The following SRP14 variants were observed in gnomAD, a reference collection of about 807,000 sequenced individuals.
The protein encoded by SRP14 is signal recognition particle 14.
A neutral mutation model predicts 16.0 loss-of-function variants in SRP14; 1 was observed. The observed-to-expected ratio is 0.06, with a 90% CI of 0.02 to 0.30. The LOEUF (loss-of-function observed/expected upper bound fraction) is 0.30, where lower values mean the gene tolerates loss of function less well. SRP14 is among the 10% of genes least tolerant of loss of function. The pLI, the probability that SRP14 is intolerant of heterozygous loss-of-function variation, is 1.00. For missense variants in SRP14, 120 were observed against 163.1 expected (o/e 0.74, Z 1.44); for synonymous variants, 67 against 60.1 (o/e 1.12, Z -0.53).
chr15:40,038,269 A>G lies in SRP14; in HGVS notation c.210+13T>C, dbSNP rs2035661272. 1.9e-6 allele frequency: 3 copies of G among 1,588,348 alleles called. No homozygotes were observed. The highest frequency in any genetic ancestry group is 2.6e-6 in the Non-Finnish European group (3 of 1,156,912). On this transcript the variant is annotated intron_variant, in intron 3 of 4. Coordinates refer to ENST00000267884, the MANE Select transcript of SRP14 (RefSeq NM_003134.6). ...TTTACATTTCAAAAGACAGCCTTAG[A>G]AATTAAGCTCACCACAGTGCTGATC...
chr15:40,036,515 A>AGAGC lies in SRP14; in HGVS notation c.244-19_244-16dup, dbSNP rs2035625915. 6.2e-7 allele frequency: 1 copy of AGAGC among 1,608,924 alleles called. No homozygotes were observed. Among genetic ancestry groups the AGAGC allele is most frequent in the East Asian group, 2.2e-5 (1 of 44,750 alleles). The stretch of plus-strand genomic sequence containing the variant: ...TTTGAATAAGCCTGAAAGATACAAC[A>AGAGC]GAGCATACCTTAGTGGGAAGATGTG... On this transcript the variant is annotated splice_polypyrimidine_tract_variant and intron_variant, in intron 4 of 4. Transcript: ENST00000267884.
At chr15:40,037,197 T>C (rs2035638305) in intron 3 of SRP14, 179 bp from the exon 4 acceptor site, 1 of 1,231,466 alleles carries the variant, frequency 8.1e-7, no homozygotes, top group Non-Finnish European at 1.1e-6. Flanking sequence ...TTCCTCTGCC[T>C]AGAGAACAAG....
intron 4 of SRP14, 117 bp from the exon 5 acceptor site, chr15:40,036,617 T>C (rs574549742): frequency 3.4e-4 from 332 of 987,736 alleles, no homozygotes; most frequent in Non-Finnish European, 4.3e-4. Flanking sequence ...ATAGCACCAT[T>C]GGACACTTGT....
rs1293978814 is a variant in SRP14, at chr15:40,036,265, G to C, written c.*68C>G. Reference sequence around the variant, plus strand: ...CTACTGTGGGGGAACCAGAAACCTAGCTATCTGGCCAAAAGGAAAAAATAG... The same window carrying C: ...CTACTGTGGGGGAACCAGAAACCTACCTATCTGGCCAAAAGGAAAAAATAG... On this transcript the variant is annotated 3_prime_UTR_variant, in exon 5 of 5. Coordinates refer to ENST00000267884, the MANE Select transcript of SRP14 (RefSeq NM_003134.6). The C allele has an allele frequency of 1.9e-6, 3 of 1,595,084 alleles. No individual in the cohort carries two copies. The highest frequency in any genetic ancestry group is 2.6e-6 in the Non-Finnish European group (3 of 1,167,150).
At chr15:40,038,507 C>A in intron 2 of SRP14, 113 bp from the exon 3 acceptor site, 1 of 728,740 alleles carries the variant, frequency 1.4e-6, no homozygotes, top group East Asian at 2.5e-5. Context: ...CCCCGCTGCT[C>A]TAGTTTTGTT....
chr15:40,036,215 G>C lies in SRP14; in HGVS notation c.*118C>G, dbSNP rs1018663790. 3.3e-6 allele frequency: 5 copies of C among 1,502,246 alleles called. No homozygotes were observed. Among genetic ancestry groups the C allele is most frequent in the Non-Finnish European group, 4.5e-6 (5 of 1,112,308 alleles). 93.1% of individuals were successfully genotyped at this position (1,502,246 alleles called of 1,614,324 possible). ...AACACTGCAACTATTCTTTCCAAAA[G>C]GACCCTAATCTTATGTGAAAACACC... On this transcript the variant is annotated 3_prime_UTR_variant, in exon 5 of 5. Transcript: ENST00000267884.
In SRP14 at chr15:40,037,278, G is replaced by GTAAAA; in HGVS notation, c.211-261_211-260insTTTTA. 6 of 193,380 alleles carry GTAAAA rather than the reference G, an allele frequency of 3.1e-5. No homozygotes were observed. In the African/African-American group the frequency reaches 6.1e-4, roughly 20 times the overall value. The allele number at this position is 193,380 out of a possible 1,614,324, so 12.0% of individuals were successfully genotyped here. ...GTGAAAGGCAGTAGGCTCCTTTTGG[G>GTAAAA]GAAAAAAAAAAAAAAAGCTTTGTTT... On this transcript the variant is annotated intron_variant, in intron 3 of 4. Coordinates refer to ENST00000267884, the MANE Select transcript of SRP14 (RefSeq NM_003134.6).
intron 3 of SRP14, 42 bp from the exon 4 acceptor site, chr15:40,037,060 T>C (rs1441275091): frequency 6.2e-7 from 1 of 1,603,726 alleles, no homozygotes; most frequent in Non-Finnish European, 8.5e-7. Context: ...ATTATCCATA[T>C]AAGCATCCTC....
At chr15:40,038,773 G>T in intron 2 of SRP14, 103 bp downstream of exon 2, 2 of 1,260,230 alleles carry the variant, frequency 1.6e-6, no homozygotes, top group Non-Finnish European at 1.1e-6. Flanking sequence ...GTACAGGGTG[G>T]GGAAAGGTAG....
chr15:40,037,336 T>C (rs1047652375), intron 3 of SRP14: 3 of 1,306,364 alleles, frequency 2.3e-6, no homozygotes, highest in East Asian at 4.6e-5. Flanking sequence ...AAAGGTGGCA[T>C]TGGGTTTTCT....
At position 40,038,374 on chromosome 15, in the gene SRP14, T is replaced by C. The variant is rs1477108236; in HGVS notation, c.118A>G (p.Ile40Val). ...CCCTCCACAGTACCCTTCTTTGGAA[T>C]GGGTTTGGTTCGACCGTCATCTGAA... ...LKKYDGRTKP[I>V]PKKGTVEGFE... The change falls in exon 3 of 5, where the codon ATT becomes GTT. Residue 40 changes from isoleucine (I) to valine (V), a missense_variant. Physicochemically the swap from Ile to Val is conservative, Grantham distance 29. This residue lies in a region of SRP14 where 44 missense variants were observed against 93.1 expected (regional missense o/e 0.47). Coordinates refer to ENST00000267884, the MANE Select transcript of SRP14 (RefSeq NM_003134.6). 12 of 1,613,896 alleles carry C rather than the reference T, an allele frequency of 7.4e-6. No homozygotes were observed. Among genetic ancestry groups the C allele is most frequent in the Non-Finnish European group, 7.6e-6 (9 of 1,179,910 alleles).
intron 3 of SRP14, 69 bp downstream of exon 3, chr15:40,038,213 G>C: frequency 7.8e-7 from 1 of 1,287,180 alleles, no homozygotes; most frequent in Non-Finnish European, 1.1e-6. Flanking sequence ...GCCTGGTTCA[G>C]AAACGCCCCA....
rs1555424355 is a variant in SRP14 at position 40,037,279 on chromosome 15, G to GGAAAA, written c.211-262_211-261insTTTTC. On this transcript the variant is annotated intron_variant, in intron 3 of 4. Transcript: ENST00000267884. ...TGAAAGGCAGTAGGCTCCTTTTGGGGAAAAAAAAAAAAAAAGCTTTGTTTC... is the reference window on the plus strand; with the variant it reads ...TGAAAGGCAGTAGGCTCCTTTTGGGGGAAAAAAAAAAAAAAAAAAAGCTTTGTTTC... 3.6e-5 allele frequency: 27 copies of GGAAAA among 749,914 alleles called. 1 individual carries two copies. The highest frequency in any genetic ancestry group is 4.3e-4 in the Middle Eastern group (1 of 2,306). The allele number at this position is 749,914 out of a possible 1,614,324, so 46.5% of individuals were successfully genotyped here. A position where few individuals can be genotyped will look rare whatever the true frequency, so the allele number is the denominator to read the frequency against.
chr15:40,038,176 C>CAGGG, intron 3 of SRP14, 106 bp downstream of exon 3: 1 of 891,280 alleles, frequency 1.1e-6, no homozygotes, highest in Non-Finnish European at 1.8e-6. Flanking sequence ...AATAGCCACA[C>CAGGG]AGGGCAAAAG....
intron 4 of SRP14, 72 bp from the exon 5 acceptor site, chr15:40,036,572 A>G: frequency 6.6e-7 from 1 of 1,506,962 alleles, no homozygotes; most frequent in Non-Finnish European, 9.1e-7. Context: ...CTATCTGCAT[A>G]ATGGATTTAG....
intron 3 of SRP14, 32 bp downstream of exon 3, chr15:40,038,250 T>C: frequency 2.0e-6 from 3 of 1,532,700 alleles, no homozygotes; most frequent in Non-Finnish European, 2.7e-6. Context: ...AGTCTTTACA[T>C]TTCAAAAGAC....
chr15:40,038,833 G>A lies in SRP14; in HGVS notation c.97+43C>T, dbSNP rs201102997. 776 of 1,604,700 alleles carry A rather than the reference G, an allele frequency of 4.8e-4. 1 individual carries two copies. The highest frequency in any genetic ancestry group is 6.2e-4 in the Non-Finnish European group (729 of 1,173,998). On this transcript the variant is annotated intron_variant, in intron 2 of 4. Transcript: ENST00000267884. ...CAGACTCCGGTGGCTCCCAGACACC[G>A]GGAACCCAGGGAGCATCGCCCGGCT...
chr15:40,036,189 A>T lies in SRP14; in HGVS notation c.*144T>A. The T allele has an allele frequency of 1.4e-6, 2 of 1,405,366 alleles. No individual in the cohort carries two copies. Among genetic ancestry groups the T allele is most frequent in the East Asian group, 4.6e-5 (2 of 43,620 alleles). The allele number at this position is 1,405,366 out of a possible 1,614,324, so 87.1% of individuals were successfully genotyped here. Reference sequence around the variant, plus strand: ...TAGATTCTTACCACAACTATCCTATAAACACTGCAACTATTCTTTCCAAAA... The same window carrying T: ...TAGATTCTTACCACAACTATCCTATTAACACTGCAACTATTCTTTCCAAAA... On this transcript the variant is annotated 3_prime_UTR_variant, in exon 5 of 5. Transcript: ENST00000267884.
intron 2 of SRP14, chr15:40,038,622 C>A: frequency 1.6e-6 from 1 of 607,446 alleles, no homozygotes; most frequent in Non-Finnish European, 2.9e-6. Flanking sequence ...CTCAAAGTGG[C>A]GGCGTCTGGG....
Sources: allele counts gnomAD v4.1 joint callset, GRCh38; gene constraint gnomAD v4.1.1; regional missense constraint gnomAD v4.1.1; transcripts MANE v1.5; gene names NCBI Gene and HGNC (gene_info 2026-07-23, HGNC 2026-07-21).